Variants in FHIT observed in about 807,000 individuals in gnomAD.
FHIT encodes the protein bis(5'-adenosyl)-triphosphatase.
In FHIT, 19 loss-of-function variants were observed where a neutral mutation model predicts 17.9. The observed-to-expected ratio is 1.06, with a 90% CI of 0.74 to 1.56. The LOEUF (loss-of-function observed/expected upper bound fraction) is 1.56, where lower values mean the gene tolerates loss of function less well. Among genes scored for constraint, FHIT ranks in the 40% most tolerant of loss-of-function variants. The probability of loss-of-function intolerance (pLI) is 0.00; values close to 1 mark genes in which losing one functional copy is unlikely to be tolerated. For synonymous variants in FHIT, 81 were observed against 69.7 expected, an observed-to-expected ratio of 1.16 and a Z score of -0.81; for missense variants, 248 against 189.2, an observed-to-expected ratio of 1.31 and a Z score of -1.82.
chr3:60,085,779 A>C (rs1174999143), intron 5 of FHIT, among the ~76,000 whole-genome samples: 2 of 152,150 alleles, frequency 1.3e-5, no homozygotes, highest in Non-Finnish European at 1.5e-5. Context: ...TTTGAGTTTC[A>C]GTTGTCTCAT....
chr3:60,598,709 T>C (rs571087069), intron 4 of FHIT, among the ~76,000 whole-genome samples: 1 of 152,310 alleles, frequency 6.6e-6, no homozygotes, highest in African/African-American at 2.4e-5. Flanking sequence ...TAGTATGAAA[T>C]GGCTTTTTCA....
At chr3:60,691,526 C>T (rs1553699565) in intron 4 of FHIT, among the ~76,000 whole-genome samples, 1 of 152,018 alleles carries the variant, frequency 6.6e-6, no homozygotes, top group Non-Finnish European at 1.5e-5. Context: ...TGTGCCACCA[C>T]ACCTGGCTAA....
chr3:61,080,264 C>T (rs922007495), intron 2 of FHIT, among the ~76,000 whole-genome samples: 1 of 152,240 alleles, frequency 6.6e-6, no homozygotes, highest in East Asian at 1.9e-4. Context: ...AAATCCTTAG[C>T]ATGAAGCCAT....
intron 5 of FHIT, among the ~76,000 whole-genome samples, chr3:60,461,377 C>G (rs1458818169): frequency 1.3e-5 from 2 of 152,164 alleles, no homozygotes; most frequent in African/African-American, 2.4e-5. Flanking sequence ...TAGAAAGAGA[C>G]TCTCCAGCAG....
chr3:60,001,677 T>A (rs1018408682), intron 7 of FHIT, among the ~76,000 whole-genome samples: 1 of 152,138 alleles, frequency 6.6e-6, no homozygotes, highest in Non-Finnish European at 1.5e-5. Context: ...TAATGACTTT[T>A]AAGGTCACTT....
At chr3:60,198,861 G>C (rs1005934833) in intron 5 of FHIT, among the ~76,000 whole-genome samples, 1 of 152,160 alleles carries the variant, frequency 6.6e-6, no homozygotes, top group African/African-American at 2.4e-5. Context: ...GTCTCACAAG[G>C]AATGAAGGCT....
chr3:60,034,896 A>T (rs1168312747), intron 5 of FHIT, among the ~76,000 whole-genome samples: 1 of 152,238 alleles, frequency 6.6e-6, no homozygotes, highest in African/African-American at 2.4e-5. Flanking sequence ...AGTTTGTTTG[A>T]TGCAAATTAA....
At chr3:61,106,214 T>G (rs2035983641) in intron 2 of FHIT, among the ~76,000 whole-genome samples, 1 of 152,122 alleles carries the variant, frequency 6.6e-6, no homozygotes. Context: ...TATTATTTTG[T>G]TTGTTTGTTT....
intron 8 of FHIT, among the ~76,000 whole-genome samples, chr3:59,905,554 A>G (rs1575673643): frequency 6.6e-6 from 1 of 152,238 alleles, no homozygotes; most frequent in East Asian, 1.9e-4. Flanking sequence ...ATAAAATTTA[A>G]TTAAATATGA....
chr3:59,869,390 T>C (rs1702807156), intron 8 of FHIT, among the ~76,000 whole-genome samples: 1 of 151,776 alleles, frequency 6.6e-6, no homozygotes, highest in Non-Finnish European at 1.5e-5. Flanking sequence ...CTTCACATTA[T>C]AGAAAAAAAC....
chr3:60,070,919 A>G (rs1576027676), intron 5 of FHIT, among the ~76,000 whole-genome samples: 2 of 152,250 alleles, frequency 1.3e-5, no homozygotes. Flanking sequence ...AACAGGCAGC[A>G]ATTCCTACAG....
At chr3:60,911,795 G>C (rs1706757865) in intron 3 of FHIT, among the ~76,000 whole-genome samples, 1 of 152,096 alleles carries the variant, frequency 6.6e-6, no homozygotes, top group Non-Finnish European at 1.5e-5. Context: ...AAATACCATA[G>C]AGAATGAAAC....
chr3:60,117,600 G>A (rs1336416447), intron 5 of FHIT, among the ~76,000 whole-genome samples: 6 of 150,918 alleles, frequency 4.0e-5, no homozygotes, highest in Non-Finnish European at 5.9e-5. Flanking sequence ...TGGGAAAAAT[G>A]TGAATTATGG....
chr3:59,869,312 T>C (rs9822080), intron 8 of FHIT, among the ~76,000 whole-genome samples: 5,547 of 152,192 alleles, frequency 0.036, 189 homozygotes, highest in African/African-American at 0.086. Context: ...TCAAAGATTA[T>C]GCTTTCTATC....
intron 4 of FHIT, among the ~76,000 whole-genome samples, chr3:60,639,508 C>T (rs539054247): frequency 6.6e-6 from 1 of 152,028 alleles, no homozygotes; most frequent in South Asian, 2.1e-4. Flanking sequence ...TCGTAAATGC[C>T]CCAAAATTTC....
chr3:60,301,543 T>A (rs1708458997), intron 5 of FHIT, among the ~76,000 whole-genome samples: 1 of 152,180 alleles, frequency 6.6e-6, no homozygotes, highest in South Asian at 2.1e-4. Context: ...GACCATTTCA[T>A]GGCTAGTTCT....
intron 9 of FHIT, chr3:59,750,338 G>GA (rs1406907961): frequency 2.2e-5 from 5 of 225,342 alleles, no homozygotes; most frequent in African/African-American, 8.9e-5. Context: ...AAACCCAGGA[G>GA]AAAAAATTCA....
chr3:60,909,988 T>G (rs895476638), intron 3 of FHIT, among the ~76,000 whole-genome samples: 2 of 152,244 alleles, frequency 1.3e-5, no homozygotes, highest in South Asian at 4.2e-4. Context: ...CCCTCCTAGA[T>G]CTATAAGAGT....
At chr3:60,455,270 G>C (rs1274338378) in intron 5 of FHIT, among the ~76,000 whole-genome samples, 2 of 152,042 alleles carry the variant, frequency 1.3e-5, no homozygotes, top group African/African-American at 2.4e-5. Context: ...CTTGACCAAA[G>C]ACTGAACTCA....
Sources: allele counts gnomAD v4.1 joint callset (sites outside exome capture counted in the v4.1 genomes callset), GRCh38; gene constraint gnomAD v4.1.1; transcripts MANE v1.5; gene names NCBI Gene and HGNC (gene_info 2026-07-23, HGNC 2026-07-21).